The following MSL1 variants were observed in gnomAD, a reference collection of about 807,000 sequenced individuals.
The protein encoded by MSL1 is male-specific lethal 1 homolog.
A neutral mutation model predicts 64.6 loss-of-function variants in MSL1; 21 were observed. The observed-to-expected ratio is 0.33, with a 90% confidence interval of 0.23 to 0.47. MSL1 has a LOEUF of 0.47. Among genes scored for constraint, MSL1 ranks in the 20% least tolerant of loss-of-function variants. The pLI is 1.00. For missense variants in MSL1, 664 were observed against 793.2 expected (o/e 0.84, Z 1.96); for synonymous variants, 339 against 329.6 (o/e 1.03, Z -0.31).
At position 40,122,520 on chromosome 17, in the gene MSL1, C is replaced by T. The variant is rs1046418344; in HGVS notation, c.-93C>T. The T allele has an allele frequency of 3.3e-6, 3 of 898,352 alleles. No individual in the cohort carries two copies. Among genetic ancestry groups the T allele is most frequent in the Non-Finnish European group, 4.6e-6 (3 of 656,100 alleles). The allele number at this position is 898,352 out of a possible 1,614,324, so 55.6% of individuals were successfully genotyped here. ...GCGCTGCTGAGGCGAGCCCGCCAAA[C>T]TCCCCTCCCCCCCCTCAGTCCTCGA... is the stretch of plus-strand genomic sequence containing the variant. On this transcript the variant is annotated 5_prime_UTR_variant, in exon 1 of 9. Coordinates refer to ENST00000398532, the MANE Select transcript of MSL1 (RefSeq NM_001365919.1). This position sits in a 1 kb window ranked among gnomAD's most constrained non-coding sequence, Gnocchi z 4.2.
At chr17:40,133,134 G>A in intron 6 of MSL1, 25 bp downstream of exon 6, 1 of 1,588,440 alleles carries the variant, frequency 6.3e-7, no homozygotes. Flanking sequence ...GTCCATCCTG[G>A]AAACAACTGA....
At position 40,123,185 on chromosome 17, in the gene MSL1, C is replaced by T. The variant is rs1179493465; in HGVS notation, c.573C>T (p.Thr191=). ...TCGCGCCCACCGCCACCGCCGGGACCCTGGCGGCCAGCGAGGGCAGATGGA... is the reference window on the plus strand; with the variant it reads ...TCGCGCCCACCGCCACCGCCGGGACTCTGGCGGCCAGCGAGGGCAGATGGA... The part of the protein sequence containing the change: ...PPLAPTATAG[T]LAASEGRWKS... Residue 191 remains threonine (T), a synonymous_variant, in exon 1 of 9, where the codon ACC becomes ACT. Transcript: ENST00000398532. The T allele has an allele frequency of 1.3e-6, 2 of 1,535,344 alleles. No homozygotes were observed. Among genetic ancestry groups the T allele is most frequent in the African/African-American group, 2.7e-5 (2 of 73,128 alleles).
Position 40,136,414 on chromosome 17 carries a change from C to T in MSL1, c.*2045C>T, listed in dbSNP as rs1171705783. 1.3e-5 allele frequency: 2 copies of T among 152,288 alleles called. No individual in the cohort carries two copies. Among genetic ancestry groups the T allele is most frequent in the Non-Finnish European group, 2.9e-5 (2 of 68,030 alleles). 9.4% of individuals were successfully genotyped at this position (152,288 alleles called of 1,614,324 possible). A position where few individuals can be genotyped will look rare whatever the true frequency, so the allele number is the denominator to read the frequency against. The stretch of plus-strand genomic sequence containing the variant: ...CTAGGTTAATTCTCCTTTGATTTGA[C>T]TTTGTTGAGAAGGAGGTTGGACAGT... On this transcript the variant is annotated 3_prime_UTR_variant, in exon 9 of 9. Coordinates refer to ENST00000398532, the MANE Select transcript of MSL1 (RefSeq NM_001365919.1).
At chr17:40,127,379 G>T (rs891315534) in intron 2 of MSL1, among the ~76,000 whole-genome samples, 1 of 151,220 alleles carries the variant, frequency 6.6e-6, no homozygotes, top group Non-Finnish European at 1.5e-5. Context: ...ACTGTCCTTG[G>T]ACTCAAAGAA....
At chr17:40,125,670 T>C (rs1026038337) in intron 1 of MSL1, among the ~76,000 whole-genome samples, 3 of 151,972 alleles carry the variant, frequency 2.0e-5, no homozygotes, top group African/African-American at 7.2e-5. Flanking sequence ...AATTACCCGG[T>C]GTGGTGGCGG....
rs779822546 is a variant in MSL1, at chr17:40,122,566, C to T, written c.-47C>T. ...CTCGACCCCCCGCACCTCGCCCCTT[C>T]CCCACCCCCTCCTCCGCCTCGGTGC... is the stretch of plus-strand genomic sequence containing the variant. On this transcript the variant is annotated 5_prime_UTR_variant, in exon 1 of 9. Coordinates refer to ENST00000398532, the MANE Select transcript of MSL1 (RefSeq NM_001365919.1). The surrounding 1 kb of genome is among the most constrained non-coding windows in gnomAD (Gnocchi z 4.2). 39 of 1,284,804 alleles carry T rather than the reference C, an allele frequency of 3.0e-5. No homozygotes were observed. The South Asian group carries it at 6.0e-4, about 20-fold the overall frequency. 79.6% of individuals were successfully genotyped at this position (1,284,804 alleles called of 1,614,324 possible).
Position 40,129,265 on chromosome 17 carries a change from C to T in MSL1, c.1013C>T (p.Thr338Ile), listed in dbSNP as rs778104807. The change falls in exon 3 of 9, where the codon ACA becomes ATA. Residue 338 changes from threonine to isoleucine, a missense_variant. Thr to Ile is a moderately conservative substitution (Grantham distance 89). This residue lies in a region of MSL1 where 466 missense variants were observed against 499.0 expected (regional missense o/e 0.93). Transcript: ENST00000398532. ...GHKRKSPFGS[T>I]ERKTPVKKLA... Reference sequence around the variant, plus strand: ...AATAGGAAATCCCCATTTGGAAGTACAGAAAGAAAGACTCCTGTTAAAAAG... The same window carrying T: ...AATAGGAAATCCCCATTTGGAAGTATAGAAAGAAAGACTCCTGTTAAAAAG... 1.3e-6 allele frequency: 2 copies of T among 1,558,816 alleles called. No homozygotes were observed. Among genetic ancestry groups the T allele is most frequent in the African/African-American group, 2.8e-5 (2 of 71,814 alleles).
At chr17:40,133,712 AGG>A (rs1988486052) in intron 7 of MSL1, 54 bp downstream of exon 7, 1 of 1,611,770 alleles carries the variant, frequency 6.2e-7, no homozygotes, top group African/African-American at 1.3e-5. Flanking sequence ...GGAGGGTGCA[AGG>A]CTCCAGGGTA....
intron 1 of MSL1, chr17:40,124,785 T>C (rs1988276485): frequency 6.6e-6 from 1 of 152,294 alleles, no homozygotes; most frequent in East Asian, 1.9e-4. Context: ...TCAAAACATA[T>C]ACAAGGAGAT....
Position 40,129,566 on chromosome 17 carries a change from G to A in MSL1, c.1314G>A (p.Gln438=), listed in dbSNP as rs754557607. The A allele has an allele frequency of 6.2e-7, 1 of 1,613,638 alleles. No homozygotes were observed. The highest frequency in any genetic ancestry group is 1.7e-5 in the Admixed American group (1 of 59,992). ...AAATGTATTTGTGTCGTTGGCACCA[G>A]CCTCCCCCATCACCGTTACCATTAC... ...TTEMYLCRWH[Q]PPPSPLPLRE... is the part of the protein sequence containing the mutation. Residue 438 remains glutamine (Q), a synonymous_variant, in exon 3 of 9, where the codon CAG becomes CAA. Coordinates refer to ENST00000398532, the MANE Select transcript of MSL1 (RefSeq NM_001365919.1).
Position 40,134,700 on chromosome 17 carries a change from T to C in MSL1, c.*331T>C, listed in dbSNP as rs1772717248. The C allele has an allele frequency of 1.2e-5, 3 of 257,752 alleles. No individual in the cohort carries two copies. Among genetic ancestry groups the C allele is most frequent in the African/African-American group, 6.7e-5 (3 of 44,494 alleles). 16.0% of individuals were successfully genotyped at this position (257,752 alleles called of 1,614,324 possible). A position where few individuals can be genotyped will look rare whatever the true frequency, so the allele number is the denominator to read the frequency against. Reference sequence around the variant, plus strand: ...AAAGGGGTAAAAGGGCTCTCTTCATTAGACATGTGGAAGATGAAGCAGCCC... The same window carrying C: ...AAAGGGGTAAAAGGGCTCTCTTCATCAGACATGTGGAAGATGAAGCAGCCC... On this transcript the variant is annotated 3_prime_UTR_variant, in exon 9 of 9. Transcript: ENST00000398532.
At position 40,129,356 on chromosome 17, in the gene MSL1, C is replaced by G. The variant is rs374527563; in HGVS notation, c.1104C>G (p.Pro368=). The part of the protein sequence containing the change: ...TPKHSPIKEE[P]CGSLSETVCK... The stretch of plus-strand genomic sequence containing the variant: ...AGCACTCTCCTATTAAAGAGGAACC[C>G]TGTGGTTCCTTATCTGAAACTGTTT... The change falls in exon 3 of 9, where the codon CCC becomes CCG. Residue 368 remains proline (P), a synonymous_variant. Transcript: ENST00000398532. 6.2e-7 allele frequency: 1 copy of G among 1,613,280 alleles called. No homozygotes were observed. Among genetic ancestry groups the G allele is most frequent in the South Asian group, 1.1e-5 (1 of 90,936 alleles).
At chr17:40,132,240 T>C in intron 5 of MSL1, 142 bp downstream of exon 5, 1 of 602,310 alleles carries the variant, frequency 1.7e-6, no homozygotes, top group Non-Finnish European at 2.9e-6. Context: ...CTAGTCCAGC[T>C]CCTTCATTTT....
Position 40,126,413 on chromosome 17 carries a change from T to C in MSL1, c.992+7T>C. 6.2e-7 allele frequency: 1 copy of C among 1,612,500 alleles called. No individual in the cohort carries two copies. The highest frequency in any genetic ancestry group is 8.5e-7 in the Non-Finnish European group (1 of 1,178,636). ...GTGGAAAGGGACATAAAAGGTGTGC[T>C]GATAACTTTGTTTGATGAGGACCCT... On this transcript the variant is annotated splice_region_variant and intron_variant, in intron 2 of 8. Transcript: ENST00000398532.
At position 40,128,547 on chromosome 17, in the gene MSL1, G is replaced by C. The variant is rs1419144993; in HGVS notation, c.993-698G>C. On this transcript the variant is annotated intron_variant, in intron 2 of 8. Coordinates refer to ENST00000398532, the MANE Select transcript of MSL1 (RefSeq NM_001365919.1). ...GTGCCACCACGCCTGACTAATTTTT[G>C]TATTTTTTTTTTTTAGTAGAGACGG... Among the ~76,000 whole-genome samples the C allele has an allele frequency of 2.0e-5, 3 of 149,152 alleles. No homozygotes were observed. The East Asian group carries it at 6.0e-4, about 30-fold the overall frequency.
Position 40,122,082 on chromosome 17 carries a change from G to A in MSL1, c.-531G>A, listed in dbSNP as rs556602789. 6.6e-6 allele frequency among the ~76,000 whole-genome samples: 1 copy of A among 151,748 alleles called. No individual in the cohort carries two copies. Among genetic ancestry groups the A allele is most frequent in the South Asian group, 2.1e-4 (1 of 4,826 alleles). On this transcript the variant is annotated 5_prime_UTR_variant, in exon 1 of 9. Transcript: ENST00000398532. The surrounding 1 kb of genome is among the most constrained non-coding windows in gnomAD (Gnocchi z 4.2). ...TGACTGTGGGGGAGGGGGACCCCGAGCCGCGGAGACCCCCGGGAGAGGCGA... is the reference window on the plus strand; with the variant it reads ...TGACTGTGGGGGAGGGGGACCCCGAACCGCGGAGACCCCCGGGAGAGGCGA...
At position 40,122,570 on chromosome 17, in the gene MSL1, A is replaced by AC. The variant is rs570052150; in HGVS notation, c.-38dup. On this transcript the variant is annotated 5_prime_UTR_variant, in exon 1 of 9. Transcript: ENST00000398532. This position sits in a 1 kb window ranked among gnomAD's most constrained non-coding sequence, Gnocchi z 4.2. The stretch of plus-strand genomic sequence containing the variant: ...ACCCCCCGCACCTCGCCCCTTCCCC[A>AC]CCCCCTCCTCCGCCTCGGTGCCCGG... The AC allele has an allele frequency of 1.3e-5, 12 of 943,192 alleles. No homozygotes were observed. Among genetic ancestry groups the AC allele is most frequent in the Non-Finnish European group, 1.5e-5 (12 of 782,268 alleles). 58.4% of individuals were successfully genotyped at this position (943,192 alleles called of 1,614,324 possible). A position where few individuals can be genotyped will look rare whatever the true frequency, so the allele number is the denominator to read the frequency against.
chr17:40,131,606 C>T lies in MSL1; in HGVS notation c.1423+22C>T, dbSNP rs529401510. On this transcript the variant is annotated intron_variant, in intron 4 of 8. Coordinates refer to ENST00000398532, the MANE Select transcript of MSL1 (RefSeq NM_001365919.1). The surrounding 1 kb of genome is among the most constrained non-coding windows in gnomAD (Gnocchi z 4.5). ...GCTGGTGAGTAGAATAGGAATTGTG[C>T]TGGCTGGGCCTGGGGTGGGGGTTGG... 40 of 1,611,724 alleles carry T rather than the reference C, an allele frequency of 2.5e-5. No homozygotes were observed. The highest frequency in any genetic ancestry group is 1.5e-4 in the African/African-American group (11 of 74,948).
In MSL1 at chr17:40,122,599, T is replaced by A; in HGVS notation, c.-14T>A. On this transcript the variant is annotated 5_prime_UTR_variant, in exon 1 of 9. Coordinates refer to ENST00000398532, the MANE Select transcript of MSL1 (RefSeq NM_001365919.1). This position sits in a 1 kb window ranked among gnomAD's most constrained non-coding sequence, Gnocchi z 4.2. ...CCTCCTCCGCCTCGGTGCCCGGCGC[T>A]GCTCCGGACCACTATGACCATGAGA... 1 of 1,408,580 alleles carries A rather than the reference T, an allele frequency of 7.1e-7. No individual in the cohort carries two copies. The highest frequency in any genetic ancestry group is 9.2e-7 in the Non-Finnish European group (1 of 1,082,374). 87.3% of individuals were successfully genotyped at this position (1,408,580 alleles called of 1,614,324 possible).
Sources: allele counts gnomAD v4.1 joint callset (sites outside exome capture counted in the v4.1 genomes callset), GRCh38; gene constraint gnomAD v4.1.1; regional missense constraint gnomAD v4.1.1; non-coding constraint Gnocchi (gnomAD v3.1); transcripts MANE v1.5; gene names NCBI Gene and HGNC (gene_info 2026-07-23, HGNC 2026-07-21).